The following ANK2 variants were observed in gnomAD, a reference collection of about 807,000 sequenced individuals.
ANK2 encodes the protein ankyrin-2.
A neutral mutation model predicts 360.5 loss-of-function variants in ANK2; 83 were observed. The ratio of observed to expected loss-of-function variants is 0.23; its 90% CI spans 0.19 to 0.28. The LOEUF is 0.28. ANK2 is among the 10% of genes least tolerant of loss of function. The pLI is 1.00. For synonymous variants in ANK2, 1,740 were observed against 1,759.5 expected (o/e 0.99, Z 0.28); for missense variants, 4,201 against 4,795.7 (o/e 0.88, Z 3.66).
At chr4:113,256,580 C>T (rs572221741) in intron 11 of ANK2, among the ~76,000 whole-genome samples, 4 of 152,330 alleles carry the variant, frequency 2.6e-5, no homozygotes, top group Admixed American at 2.0e-4. Context: ...ATAAGTCTTC[C>T]TTGCTTCACT....
chr4:113,256,676 C>T (rs1428735232), intron 11 of ANK2, among the ~76,000 whole-genome samples: 1 of 152,092 alleles, frequency 6.6e-6, no homozygotes, highest in African/African-American at 2.4e-5. Context: ...AAAGTAAATC[C>T]TTTTTTTCTA....
chr4:113,326,944 C>T (rs1191455539), intron 26 of ANK2, among the ~76,000 whole-genome samples: 1 of 152,112 alleles, frequency 6.6e-6, no homozygotes, highest in Non-Finnish European at 1.5e-5. Flanking sequence ...GTCAAGGTTA[C>T]GGTGTGCTAT....
the ANK2 span, among the ~76,000 whole-genome samples, chr4:112,746,435 G>A: frequency 1.3e-5 from 2 of 150,768 alleles, no homozygotes; most frequent in Non-Finnish European, 2.9e-5. Flanking sequence ...TTGAACACGG[G>A]AGGTGGAGGT....
At chr4:112,708,793 G>A in the ANK2 span, among the ~76,000 whole-genome samples, 1 of 152,046 alleles carries the variant, frequency 6.6e-6, no homozygotes, top group African/African-American at 2.4e-5. Flanking sequence ...TAATTTGTAT[G>A]TACCTAAAAT....
In ANK2 at chr4:113,143,265, C is replaced by G. The variant is rs1030367184; in HGVS notation, c.85-31151C>G. Among the ~76,000 whole-genome samples the G allele has an allele frequency of 1.4e-4, 22 of 152,208 alleles. 1 individual carries two copies. On this transcript the variant is annotated intron_variant, in intron 1 of 45. Transcript: ENST00000357077. ...ATATCACAGGTGTAATGAAGACTTG[C>G]AAGAGAAAGGAAAGCTTTAAAATTA...
At chr4:112,799,341 A>G in the ANK2 span, among the ~76,000 whole-genome samples, 32 of 152,166 alleles carry the variant, frequency 2.1e-4, no homozygotes, top group Non-Finnish European at 4.1e-4. Context: ...GTGCCCATAA[A>G]TGGAATGGCT....
At chr4:112,803,570 G>A in the ANK2 span, among the ~76,000 whole-genome samples, 4 of 152,138 alleles carry the variant, frequency 2.6e-5, no homozygotes, top group Non-Finnish European at 4.4e-5. Flanking sequence ...TCTGGAGGGA[G>A]CACAATCCTG....
intron 2 of ANK2, among the ~76,000 whole-genome samples, chr4:112,961,065 T>G (rs546091821): frequency 6.6e-6 from 1 of 152,166 alleles, no homozygotes; most frequent in South Asian, 2.1e-4. Flanking sequence ...TAACTGTTTT[T>G]TTTTTTTTTG....
At chr4:113,082,062 G>A (rs1418663041) in intron 1 of ANK2, among the ~76,000 whole-genome samples, 2 of 152,114 alleles carry the variant, frequency 1.3e-5, no homozygotes, top group Admixed American at 1.3e-4. Context: ...GCCCGTCTCG[G>A]CCTCCCAGAG....
chr4:112,818,640 A>AATGTTCTCTCCT (rs2056066108), intron 1 of ANK2, among the ~76,000 whole-genome samples: 1 of 152,164 alleles, frequency 6.6e-6, no homozygotes, highest in African/African-American at 2.4e-5. Context: ...TTTGGTCAGA[A>AATGTTCTCTCCT]TACTGCTTGT....
intron 1 of ANK2, among the ~76,000 whole-genome samples, chr4:112,818,677 G>T (rs1028350786): frequency 2.0e-5 from 3 of 152,134 alleles, no homozygotes; most frequent in Non-Finnish European, 4.4e-5. Flanking sequence ...TGTCTGTGCC[G>T]GAGAAAGTGG....
intron 2 of ANK2, among the ~76,000 whole-genome samples, chr4:112,955,898 G>A (rs1049207769): frequency 5.9e-5 from 9 of 152,092 alleles, no homozygotes; most frequent in South Asian, 2.1e-4. Context: ...TATTTAATGC[G>A]TGCTTATCAA....
intron 17 of ANK2, among the ~76,000 whole-genome samples, chr4:113,282,043 G>A (rs1327301485): frequency 6.6e-6 from 1 of 152,182 alleles, no homozygotes; most frequent in Non-Finnish European, 1.5e-5. Flanking sequence ...TAGGCACTCA[G>A]TAATATTTGT....
chr4:113,078,984 A>G (rs1418852255), intron 1 of ANK2, among the ~76,000 whole-genome samples: 2 of 152,216 alleles, frequency 1.3e-5, no homozygotes, highest in Non-Finnish European at 2.9e-5. Flanking sequence ...CTATTTCATT[A>G]AACCCATTTA....
At chr4:112,986,472 G>A (rs1253152165) in intron 2 of ANK2, among the ~76,000 whole-genome samples, 1 of 151,996 alleles carries the variant, frequency 6.6e-6, no homozygotes, top group African/African-American at 2.4e-5. Context: ...TTTGTTTTTT[G>A]TTTTAACATT....
chr4:112,969,692 T>C (rs993924933), intron 2 of ANK2, among the ~76,000 whole-genome samples: 4 of 152,216 alleles, frequency 2.6e-5, no homozygotes, highest in African/African-American at 7.2e-5. Flanking sequence ...GATATCTTGT[T>C]TATAGAATAT....
At chr4:112,750,865 T>C in the ANK2 span, among the ~76,000 whole-genome samples, 1 of 152,034 alleles carries the variant, frequency 6.6e-6, no homozygotes, top group African/African-American at 2.4e-5. Flanking sequence ...GTAGCTGGGA[T>C]CACAGGCACG....
intron 20 of ANK2, among the ~76,000 whole-genome samples, chr4:113,291,262 A>C (rs2153740650): frequency 6.6e-6 from 1 of 152,350 alleles, no homozygotes; most frequent in African/African-American, 2.4e-5. Flanking sequence ...TTACAAAAAG[A>C]AGTATCGCTT....
At chr4:113,074,874 A>AT (rs2079213909) in intron 1 of ANK2, among the ~76,000 whole-genome samples, 2 of 152,198 alleles carry the variant, frequency 1.3e-5, no homozygotes, top group South Asian at 4.1e-4. Flanking sequence ...ATATTTTAGC[A>AT]TTTTTTTCTC....
Sources: gnomAD v4.1 joint callset for allele counts (sites outside exome capture counted in the v4.1 genomes callset) on GRCh38, gnomAD v4.1.1 for gene constraint, MANE v1.5 for transcripts, NCBI Gene and HGNC (gene_info 2026-07-23, HGNC 2026-07-21) for gene names.